PLEKHM3: variants seen among roughly 807,000 people sequenced by gnomAD.
PLEKHM3 encodes pleckstrin homology domain-containing family M member 3.
PLEKHM3 carries 45 observed loss-of-function variants against 81.8 expected under a neutral mutation model. The observed-to-expected ratio is 0.55, with a 90% CI of 0.43 to 0.71. The LOEUF is 0.71. Ranked by LOEUF, PLEKHM3 falls within the 30% of genes least tolerant of loss-of-function variation. The pLI, the probability that PLEKHM3 is intolerant of heterozygous loss-of-function variation, is 0.00. For synonymous variants in PLEKHM3, 352 were observed against 356.4 expected (o/e 0.99, Z 0.14); for missense variants, 788 against 924.3 (o/e 0.85, Z 1.91).
intron 1 of PLEKHM3, among the ~76,000 whole-genome samples, chr2:208,024,549 AAGTC>A (rs976323435): frequency 2.6e-5 from 4 of 152,218 alleles, no homozygotes; most frequent in African/African-American, 9.6e-5. Flanking sequence ...CATTTTCTTG[AAGTC>A]AGTCAGTCAA....
rs947929266 is a variant in PLEKHM3 at position 207,824,752 on chromosome 2, A to G, written c.*3567T>C. 1.3e-5 allele frequency: 2 copies of G among 152,318 alleles called. No individual in the cohort carries two copies. The highest frequency in any genetic ancestry group is 2.4e-5 in the African/African-American group (1 of 41,476). 9.4% of individuals were successfully genotyped at this position (152,318 alleles called of 1,614,324 possible). On this transcript the variant is annotated 3_prime_UTR_variant, in exon 8 of 8. Coordinates refer to ENST00000427836, the MANE Select transcript of PLEKHM3 (RefSeq NM_001080475.3). ...CAGGCTCCGTCAGAGGACACACTCTAGCTGAGCAAAGGCTGCATTCGGCAA... is the reference window on the plus strand; with the variant it reads ...CAGGCTCCGTCAGAGGACACACTCTGGCTGAGCAAAGGCTGCATTCGGCAA...
rs2092225505 is a variant in PLEKHM3 at position 207,822,732 on chromosome 2, T to C, written c.*5587A>G. On this transcript the variant is annotated 3_prime_UTR_variant, in exon 8 of 8. Coordinates refer to ENST00000427836, the MANE Select transcript of PLEKHM3 (RefSeq NM_001080475.3). Reference sequence around the variant, plus strand: ...GCTCCAAGAGCATCTATATGAAGAGTAGCCAGCAGGGAAGAAGCAAAGGGA... The same window carrying C: ...GCTCCAAGAGCATCTATATGAAGAGCAGCCAGCAGGGAAGAAGCAAAGGGA... 6.6e-6 allele frequency: 1 copy of C among 152,040 alleles called. No homozygotes were observed. The highest frequency in any genetic ancestry group is 1.5e-5 in the Non-Finnish European group (1 of 68,082). The allele number at this position is 152,040 out of a possible 1,614,324, so 9.4% of individuals were successfully genotyped here. A position where few individuals can be genotyped will look rare whatever the true frequency, so the allele number is the denominator to read the frequency against.
rs2092320326 is a variant in PLEKHM3, at chr2:207,836,481, T to C, written c.2109-7985A>G. 2.0e-5 allele frequency among the ~76,000 whole-genome samples: 3 copies of C among 152,158 alleles called. No homozygotes were observed. In the South Asian group the frequency reaches 6.2e-4, roughly 31 times the overall value. On this transcript the variant is annotated intron_variant, in intron 7 of 7. Transcript: ENST00000427836. ...AGATAGGCCAGACACGATGCTCTTATTGTAGTTATTGAAACTAGGAAAATG... is the reference window on the plus strand; with the variant it reads ...AGATAGGCCAGACACGATGCTCTTACTGTAGTTATTGAAACTAGGAAAATG...
intron 3 of PLEKHM3, among the ~76,000 whole-genome samples, chr2:207,973,433 T>C (rs1691192178): frequency 6.6e-6 from 1 of 152,202 alleles, no homozygotes; most frequent in Non-Finnish European, 1.5e-5. Context: ...AAAGTATTCT[T>C]ACCTAGAAAA....
At chr2:207,955,963 C>T (rs1167087930) in intron 3 of PLEKHM3, among the ~76,000 whole-genome samples, 4 of 152,008 alleles carry the variant, frequency 2.6e-5, no homozygotes, top group South Asian at 2.1e-4. Context: ...TTGTGGAGAT[C>T]GAGGAAGGCT....
chr2:207,984,400 T>C (rs1691644481), intron 2 of PLEKHM3, among the ~76,000 whole-genome samples: 2 of 152,178 alleles, frequency 1.3e-5, no homozygotes, highest in Admixed American at 1.3e-4. Flanking sequence ...ATATTTCTTT[T>C]TTTTTTTTGA....
chr2:207,982,485 G>A (rs946884284), intron 2 of PLEKHM3, among the ~76,000 whole-genome samples: 5 of 151,012 alleles, frequency 3.3e-5, no homozygotes, highest in African/African-American at 4.9e-5. Flanking sequence ...GCCCAGGCTG[G>A]TCTCAAACTC....
intron 6 of PLEKHM3, among the ~76,000 whole-genome samples, chr2:207,884,984 T>C (rs769458939): frequency 1.3e-5 from 2 of 152,158 alleles, no homozygotes; most frequent in African/African-American, 4.8e-5. Context: ...ACTGAGTTCG[T>C]TGGGTAGACG....
intron 1 of PLEKHM3, among the ~76,000 whole-genome samples, chr2:208,014,830 G>A (rs1411312352): frequency 6.6e-6 from 1 of 152,186 alleles, no homozygotes; most frequent in Non-Finnish European, 1.5e-5. Flanking sequence ...TTCTCGGATT[G>A]TTTTGCTCTG....
chr2:207,937,488 T>C (rs1002215703), intron 4 of PLEKHM3, among the ~76,000 whole-genome samples: 14 of 151,816 alleles, frequency 9.2e-5, no homozygotes, highest in African/African-American at 1.5e-4. Flanking sequence ...GAGGAATGCT[T>C]GAGTGCCAGA....
chr2:207,911,296 A>G (rs1688803107), intron 5 of PLEKHM3, among the ~76,000 whole-genome samples: 1 of 152,186 alleles, frequency 6.6e-6, no homozygotes, highest in Admixed American at 6.5e-5. Flanking sequence ...TTATATTTTG[A>G]AAACTATGTT....
chr2:207,874,731 A>G (rs1404207094), intron 6 of PLEKHM3, among the ~76,000 whole-genome samples: 1 of 151,780 alleles, frequency 6.6e-6, no homozygotes, highest in African/African-American at 2.4e-5. Flanking sequence ...AGCTGGGACT[A>G]CAGGTGCACA....
At chr2:207,979,963 G>T (rs1691465698) in intron 2 of PLEKHM3, among the ~76,000 whole-genome samples, 1 of 152,188 alleles carries the variant, frequency 6.6e-6, no homozygotes, top group African/African-American at 2.4e-5. Flanking sequence ...ATGCCTATTT[G>T]CAGGTTATCT....
intron 7 of PLEKHM3, among the ~76,000 whole-genome samples, chr2:207,833,003 C>G (rs1575262863): frequency 6.6e-6 from 1 of 151,142 alleles, no homozygotes; most frequent in South Asian, 2.1e-4. Flanking sequence ...TCCCAGCTAC[C>G]TGTGAGGCTA....
chr2:207,840,352 G>T lies in PLEKHM3; in HGVS notation c.2109-11856C>A, dbSNP rs187629404. On this transcript the variant is annotated intron_variant, in intron 7 of 7. Transcript: ENST00000427836. ...ACTACAAGTGTGTGCCACCATGACT[G>T]GCTAATTAAAAAAACCATTGTTTTT... 2.6e-3 allele frequency among the ~76,000 whole-genome samples: 402 copies of T among 151,988 alleles called. 8 individuals carry two copies. The highest frequency in any genetic ancestry group is 1.0e-3 in the Non-Finnish European group (69 of 67,952).
intron 6 of PLEKHM3, chr2:207,900,321 T>C (rs950391053): frequency 2.0e-4 from 31 of 152,324 alleles, no homozygotes; most frequent in Admixed American, 2.0e-3. Flanking sequence ...CCTTACAACA[T>C]GGCCACTGGG....
intron 3 of PLEKHM3, among the ~76,000 whole-genome samples, chr2:207,948,584 C>G (rs1180175537): frequency 6.8e-6 from 1 of 147,116 alleles, no homozygotes; most frequent in East Asian, 2.0e-4. Flanking sequence ...TGCTCTGTCA[C>G]CCAGGCTGGA....
rs1431363889 is a variant in PLEKHM3 at position 207,828,412 on chromosome 2, C to T, written c.2193G>A (p.Gln731=). The T allele has an allele frequency of 5.0e-6, 8 of 1,614,128 alleles. No homozygotes were observed. The South Asian group carries it at 8.8e-5, about 18-fold the overall frequency. Residue 731 remains glutamine (Q), a synonymous_variant, in exon 8 of 8, where the codon CAG becomes CAA. Coordinates refer to ENST00000427836, the MANE Select transcript of PLEKHM3 (RefSeq NM_001080475.3). Reference sequence around the variant, plus strand: ...TCTGCCAGAAAGACTTCTGCTTCTTCTGCAGCTCTCGGCGAACACACCTCG... The same window carrying T: ...TCTGCCAGAAAGACTTCTGCTTCTTTTGCAGCTCTCGGCGAACACACCTCG... The part of the protein sequence containing the change: ...PCPRCVRREL[Q]KKQKSFWQRL...
intron 7 of PLEKHM3, among the ~76,000 whole-genome samples, chr2:207,834,104 A>G (rs1444212254): frequency 6.6e-6 from 1 of 150,756 alleles, no homozygotes; most frequent in Admixed American, 6.6e-5. Context: ...GTCACTCCCT[A>G]TCAACTCACT....
Sources: gnomAD v4.1 joint callset for allele counts (sites outside exome capture counted in the v4.1 genomes callset) on GRCh38, gnomAD v4.1.1 for gene constraint, MANE v1.5 for transcripts, NCBI Gene and HGNC (gene_info 2026-07-23, HGNC 2026-07-21) for gene names.